CELF4: variants seen among roughly 807,000 people sequenced by gnomAD.
The protein encoded by CELF4 is CUG-BP- and ETR-3-like factor 4.
Under a neutral mutation model 59.9 loss-of-function variants are expected in CELF4, and 18 were observed. The observed-to-expected ratio is 0.30, with a 90% CI of 0.21 to 0.45. The LOEUF is 0.45. Ranked by LOEUF, CELF4 falls within the 20% of genes least tolerant of loss-of-function variation. The probability of loss-of-function intolerance (pLI) is 1.00; values close to 1 mark genes in which losing one functional copy is unlikely to be tolerated. For missense variants in CELF4, 456 were observed against 689.0 expected, an observed-to-expected ratio of 0.66 and a Z score of 3.79; for synonymous variants, 261 against 267.1, an observed-to-expected ratio of 0.98 and a Z score of 0.22.
chr18:37,296,885 C>T (rs530036311), intron 3 of CELF4, among the ~76,000 whole-genome samples: 1 of 152,184 alleles, frequency 6.6e-6, no homozygotes, highest in Non-Finnish European at 1.5e-5. Flanking sequence ...GACGCCCCTT[C>T]ACCCCCAAGG....
intron 2 of CELF4, among the ~76,000 whole-genome samples, chr18:37,431,070 G>A (rs1406872546): frequency 6.6e-6 from 1 of 152,178 alleles, no homozygotes; most frequent in African/African-American, 2.4e-5. Context: ...AGGTGCTGCT[G>A]TGGTTGGGTG....
intron 1 of CELF4, among the ~76,000 whole-genome samples, chr18:37,526,326 C>T (rs2099963787): frequency 6.6e-6 from 1 of 152,198 alleles, no homozygotes; most frequent in Admixed American, 6.5e-5. Context: ...TCAATGCAAA[C>T]TGCTATGAAC....
intron 2 of CELF4, among the ~76,000 whole-genome samples, chr18:37,390,008 G>T (rs1428593877): frequency 6.6e-6 from 1 of 152,214 alleles, no homozygotes; most frequent in Admixed American, 6.5e-5. Flanking sequence ...TCTGTGCAGG[G>T]TTTGGGGCCT....
chr18:37,532,701 A>G (rs1047649660), intron 1 of CELF4, among the ~76,000 whole-genome samples: 2 of 152,224 alleles, frequency 1.3e-5, no homozygotes, highest in African/African-American at 2.4e-5. Flanking sequence ...CATGTTGTCT[A>G]TAGAAGTAAC....
chr18:37,292,492 AG>A (rs2095404442), intron 3 of CELF4, among the ~76,000 whole-genome samples: 1 of 152,160 alleles, frequency 6.6e-6, no homozygotes, highest in Non-Finnish European at 1.5e-5. Flanking sequence ...CTGTGGGTGG[AG>A]GGGGTGTCCC....
chr18:37,312,227 G>GGAA (rs2096698722), intron 3 of CELF4, among the ~76,000 whole-genome samples: 1 of 148,850 alleles, frequency 6.7e-6, no homozygotes, highest in Non-Finnish European at 1.5e-5. Flanking sequence ...GGCTGGAAAT[G>GGAA]CTAAAGCAAA....
rs750541141 is a variant in CELF4, at chr18:37,321,830, T to C, written c.421A>G (p.Ser141Gly). 10 of 1,613,136 alleles carry C rather than the reference T, an allele frequency of 6.2e-6. No individual in the cohort carries two copies. Among genetic ancestry groups the C allele is most frequent in the Non-Finnish European group, 8.5e-6 (10 of 1,179,502 alleles). ...GAAGGGGGCTGGCGCAGGCAGCTAC[T>C]ACCTCCTCGGCTCTCGCTGTCCGCA... Reference protein sequence around the residue: ...KPADSESRGGSSCLRQPPSQD... With the variant: ...KPADSESRGGGSCLRQPPSQD... Residue 141 changes from serine (S) to glycine (G), a missense_variant, in exon 3 of 13, where the codon AGT becomes GGT. Ser to Gly is a moderately conservative substitution (Grantham distance 56, BLOSUM62 0). This residue lies in a region of CELF4 where 63 missense variants were observed against 110.6 expected (regional missense o/e 0.57). Coordinates refer to ENST00000420428, the MANE Select transcript of CELF4 (RefSeq NM_020180.4).
chr18:37,421,391 A>T (rs980807683), intron 2 of CELF4, among the ~76,000 whole-genome samples: 2 of 152,162 alleles, frequency 1.3e-5, no homozygotes, highest in Admixed American at 1.3e-4. Flanking sequence ...CCTTAAACAC[A>T]GGGCGGTTTT....
At chr18:37,346,616 G>A (rs1468309330) in intron 2 of CELF4, among the ~76,000 whole-genome samples, 2 of 152,218 alleles carry the variant, frequency 1.3e-5, no homozygotes, top group African/African-American at 2.4e-5. Flanking sequence ...CCAGGGCAGA[G>A]AAGAAAGGGG....
At chr18:37,277,646 A>G (rs1422011721) in intron 3 of CELF4, among the ~76,000 whole-genome samples, 1 of 152,216 alleles carries the variant, frequency 6.6e-6, no homozygotes, top group East Asian at 1.9e-4. Context: ...CTAGGGAGCC[A>G]TTATGTTTGA....
At chr18:37,560,412 A>G (rs190554692) in intron 1 of CELF4, among the ~76,000 whole-genome samples, 6 of 152,352 alleles carry the variant, frequency 3.9e-5, no homozygotes, top group Admixed American at 3.9e-4. Context: ...GACACTTATC[A>G]ACATCTGGAA....
chr18:37,415,938 T>C (rs547756694), intron 2 of CELF4, among the ~76,000 whole-genome samples: 4 of 152,346 alleles, frequency 2.6e-5, no homozygotes, highest in African/African-American at 9.6e-5. Flanking sequence ...CGAGGCTCTG[T>C]CACTTAACTC....
chr18:37,453,351 C>T (rs2099769379), intron 2 of CELF4, among the ~76,000 whole-genome samples: 2 of 152,194 alleles, frequency 1.3e-5, no homozygotes, highest in Non-Finnish European at 2.9e-5. Context: ...ACCTTTAGCC[C>T]AATGCTAATT....
chr18:37,413,565 T>C (rs2099494642), intron 2 of CELF4, among the ~76,000 whole-genome samples: 1 of 152,230 alleles, frequency 6.6e-6, no homozygotes, highest in Admixed American at 6.5e-5. Context: ...CATCGCCTGT[T>C]CTACAGTTCC....
chr18:37,463,393 A>G (rs1387855584), intron 2 of CELF4, among the ~76,000 whole-genome samples: 1 of 152,174 alleles, frequency 6.6e-6, no homozygotes, highest in African/African-American at 2.4e-5. Context: ...TGTGTCAGGT[A>G]ATTCACAAAA....
Position 37,565,600 on chromosome 18 carries a change from G to C in CELF4, c.42C>G (p.Asp14Glu), listed in dbSNP as rs748114899. The C allele has an allele frequency of 4.4e-6, 7 of 1,607,588 alleles. No homozygotes were observed. The highest frequency in any genetic ancestry group is 6.0e-6 in the Non-Finnish European group (7 of 1,176,252). Residue 14 changes from aspartate to glutamate, a missense_variant, in exon 1 of 13, where the codon GAC becomes GAG. Around this residue, in one of 7 missense-constraint regions of CELF4, gnomAD observed 70 missense variants for 69.5 expected, o/e 1.01. Coordinates refer to ENST00000420428, the MANE Select transcript of CELF4 (RefSeq NM_020180.4). ...KMATLANGQADNASLSTNGLG... is the reference protein window; with the variant it reads ...KMATLANGQAENASLSTNGLG... ...GCCCGTTGGTACTGAGGCTTGCGTTGTCAGCCTGTCCGTTTGCTAACGTGG... is the reference window on the plus strand; with the variant it reads ...GCCCGTTGGTACTGAGGCTTGCGTTCTCAGCCTGTCCGTTTGCTAACGTGG...
intron 2 of CELF4, among the ~76,000 whole-genome samples, chr18:37,428,536 C>T (rs1339492915): frequency 6.6e-6 from 1 of 152,194 alleles, no homozygotes; most frequent in Non-Finnish European, 1.5e-5. Flanking sequence ...CATCAGAACT[C>T]ACACATCCAA....
At chr18:37,512,758 CTT>C (rs1487721899) in intron 1 of CELF4, among the ~76,000 whole-genome samples, 1 of 151,774 alleles carries the variant, frequency 6.6e-6, no homozygotes, top group Non-Finnish European at 1.5e-5. Context: ...CCTGCTTTCT[CTT>C]TTTCTTCTTC....
intron 2 of CELF4, among the ~76,000 whole-genome samples, chr18:37,420,420 T>A (rs1031751886): frequency 6.6e-6 from 1 of 152,202 alleles, no homozygotes; most frequent in African/African-American, 2.4e-5. Flanking sequence ...AGAATGGCTG[T>A]GAACGGGAAT....
Sources: gnomAD v4.1 joint callset for allele counts (sites outside exome capture counted in the v4.1 genomes callset) on GRCh38, gnomAD v4.1.1 for gene constraint, gnomAD v4.1.1 regional missense constraint, MANE v1.5 for transcripts, NCBI Gene and HGNC (gene_info 2026-07-23, HGNC 2026-07-21) for gene names.